THADA: variants seen among roughly 807,000 people sequenced by gnomAD.
The protein encoded by THADA is tRNA (32-2'-O)-methyltransferase regulator THADA.
A neutral mutation model predicts 219.8 loss-of-function variants in THADA; 213 were observed. That is an observed-to-expected ratio of 0.97 (90% CI 0.87 to 1.09). The LOEUF (loss-of-function observed/expected upper bound fraction) is 1.09, where lower values mean the gene tolerates loss of function less well. THADA is among the 50% of genes least tolerant of loss of function. The pLI, the probability that THADA is intolerant of heterozygous loss-of-function variation, is 0.00. For missense variants in THADA, 2,956 were observed against 2,311.3 expected (o/e 1.28, Z -5.72); for synonymous variants, 1,018 against 828.9 (o/e 1.23, Z -3.92).
intron 17 of THADA, chr2:43,556,052 A>G: frequency 2.0e-6 from 1 of 512,338 alleles, no homozygotes; most frequent in Non-Finnish European, 2.7e-6. Context: ...AGTATAATTT[A>G]TGTAGGGAAA....
At chr2:43,531,447 G>C (rs1192572109) in intron 21 of THADA, among the ~76,000 whole-genome samples, 2 of 152,142 alleles carry the variant, frequency 1.3e-5, no homozygotes, top group African/African-American at 4.8e-5. Flanking sequence ...TAGAGGTTTC[G>C]TGCTAGAAAA....
chr2:43,429,663 AT>A (rs1340819643), intron 27 of THADA, among the ~76,000 whole-genome samples: 2 of 152,066 alleles, frequency 1.3e-5, no homozygotes, highest in Admixed American at 1.3e-4. Flanking sequence ...TAGGAAGAAA[AT>A]AATTCATAAC....
At chr2:43,549,965 AC>A (rs200136772) in intron 19 of THADA, among the ~76,000 whole-genome samples, 12,612 of 152,292 alleles carry the variant, frequency 0.083, 590 homozygotes, top group South Asian at 0.14. Flanking sequence ...CAACTTTGAA[AC>A]ACATTATGTA....
At chr2:43,298,567 CTG>C (rs894875618) in intron 31 of THADA, among the ~76,000 whole-genome samples, 1 of 145,012 alleles carries the variant, frequency 6.9e-6, no homozygotes, top group Non-Finnish European at 1.5e-5. Context: ...AAATCCCCCT[CTG>C]TGAGAAACAC....
chr2:43,285,921 A>T (rs879029459), intron 35 of THADA, among the ~76,000 whole-genome samples: 9 of 152,304 alleles, frequency 5.9e-5, no homozygotes, highest in Admixed American at 2.6e-4. Context: ...CACTGAATGC[A>T]ACCAGCAGCC....
At chr2:43,475,725 T>C (rs1422638020) in intron 26 of THADA, among the ~76,000 whole-genome samples, 1 of 152,210 alleles carries the variant, frequency 6.6e-6, no homozygotes, top group Non-Finnish European at 1.5e-5. Flanking sequence ...ACTTTGTTCC[T>C]GGGTGAGATT....
chr2:43,304,097 A>G (rs1172573293), intron 31 of THADA, among the ~76,000 whole-genome samples: 2 of 152,142 alleles, frequency 1.3e-5, no homozygotes, highest in Non-Finnish European at 2.9e-5. Flanking sequence ...CTTCATCATA[A>G]GTCAACCCCT....
Position 43,231,088 on chromosome 2 carries a change from C to G in THADA, c.5722G>C (p.Glu1908Gln). 4 of 1,613,990 alleles carry G rather than the reference C, an allele frequency of 2.5e-6. No homozygotes were observed. The highest frequency in any genetic ancestry group is 1.1e-5 in the South Asian group (1 of 91,082). Residue 1908 changes from glutamate (E) to glutamine (Q), a missense_variant, in exon 38 of 38, where the codon GAG (glutamate) becomes CAG (glutamine). Glu to Gln is a conservative substitution (Grantham distance 29). Transcript: ENST00000405975. The part of the protein sequence containing the change: ...TVEFTRLRIQ[E>Q]ERTLACLRLL... ...CTCAAGCAAGCCAAAGTCCTTTCCT[C>G]TTGAATGCGTAGTCTTGTGAACTCC...
chr2:43,283,109 G>A (rs1024288407), intron 35 of THADA, among the ~76,000 whole-genome samples: 1 of 152,158 alleles, frequency 6.6e-6, no homozygotes, highest in Non-Finnish European at 1.5e-5. Context: ...ACTTCTCCCT[G>A]CTCTCTGACT....
chr2:43,236,955 C>G (rs1263809216), intron 36 of THADA, among the ~76,000 whole-genome samples: 1 of 151,108 alleles, frequency 6.6e-6, no homozygotes, highest in African/African-American at 2.4e-5. Flanking sequence ...GCCTGTAGTC[C>G]CAGCTACTCG....
intron 10 of THADA, among the ~76,000 whole-genome samples, chr2:43,575,940 T>C (rs540016451): frequency 1.3e-5 from 2 of 152,334 alleles, no homozygotes; most frequent in African/African-American, 2.4e-5. Flanking sequence ...AATTAACTTT[T>C]AAGATGTTAA....
chr2:43,237,646 G>A (rs900300351), intron 36 of THADA, among the ~76,000 whole-genome samples: 3 of 151,434 alleles, frequency 2.0e-5, no homozygotes, highest in African/African-American at 4.8e-5. Context: ...TGATCCACCC[G>A]CCTCGGCCTC....
At chr2:43,439,263 T>C (rs989780838) in intron 26 of THADA, among the ~76,000 whole-genome samples, 1 of 151,090 alleles carries the variant, frequency 6.6e-6, no homozygotes, top group East Asian at 1.9e-4. Context: ...TAGAGAGATC[T>C]TGAGAGAGAC....
chr2:43,569,761 G>A (rs1170221111), intron 14 of THADA, among the ~76,000 whole-genome samples: 2 of 152,134 alleles, frequency 1.3e-5, no homozygotes, highest in East Asian at 3.8e-4. Context: ...GCAAAAAAGG[G>A]TCTGCTTCTC....
intron 36 of THADA, among the ~76,000 whole-genome samples, chr2:43,242,808 C>G (rs1668753615): frequency 6.6e-6 from 1 of 152,200 alleles, no homozygotes; most frequent in Non-Finnish European, 1.5e-5. Flanking sequence ...CATTCTTGAC[C>G]ACTTTGCTAA....
rs117635024 is a variant in THADA at position 43,418,479 on chromosome 2, C to A, written c.4058+9621G>T. On this transcript the variant is annotated intron_variant, in intron 28 of 37. Coordinates refer to ENST00000405975, the MANE Select transcript of THADA (RefSeq NM_022065.5). ...TTCCCTTAAAGAAGTTCCCTGACTG[C>A]AGCTAGCCAGGTAGAGCAAGATGTC... is the stretch of plus-strand genomic sequence containing the variant. Among the ~76,000 whole-genome samples the A allele has an allele frequency of 2.3e-4, 35 of 152,246 alleles. No homozygotes were observed. The East Asian group carries it at 6.8e-3, about 29-fold the overall frequency.
chr2:43,481,155 G>T (rs1414168292), intron 26 of THADA, among the ~76,000 whole-genome samples: 1 of 152,094 alleles, frequency 6.6e-6, no homozygotes, highest in Non-Finnish European at 1.5e-5. Context: ...GCACGATGCT[G>T]GACTGGATTA....
At chr2:43,441,989 T>C (rs1680897199) in intron 26 of THADA, among the ~76,000 whole-genome samples, 1 of 152,216 alleles carries the variant, frequency 6.6e-6, no homozygotes, top group South Asian at 2.1e-4. Flanking sequence ...GCTTAAAACC[T>C]GGTTAAGAAG....
At chr2:43,264,719 G>A (rs1671327416) in intron 36 of THADA, among the ~76,000 whole-genome samples, 2 of 152,206 alleles carry the variant, frequency 1.3e-5, no homozygotes, top group African/African-American at 2.4e-5. Context: ...GAAAAGAAGG[G>A]AAGGGAGGAG....
Sources: gnomAD v4.1 joint callset for allele counts (sites outside exome capture counted in the v4.1 genomes callset) on GRCh38, gnomAD v4.1.1 for gene constraint, MANE v1.5 for transcripts, NCBI Gene and HGNC (gene_info 2026-07-23, HGNC 2026-07-21) for gene names.